The following OR7E24 variants were observed in gnomAD, a reference collection of about 807,000 sequenced individuals.
OR7E24 encodes the protein olfactory receptor 7E24.
For missense variants in OR7E24, 385 were observed against 410.3 expected (o/e 0.94, Z 0.53); for synonymous variants, 130 against 157.5 (o/e 0.83, Z 1.31).
At chr19:9,215,341 CAAAAAAAAAAAAAAA>C in the OR7E24 span, among the ~76,000 whole-genome samples, 1 of 83,132 alleles carries the variant, frequency 1.2e-5, no homozygotes. Context: ...GACTCCGTCT[CAAAAAAAAAAAAAAA>C]AAAAAAAAAC....
the OR7E24 span, chr19:9,215,006 A>G: frequency 1.7e-6 from 1 of 588,520 alleles, no homozygotes; most frequent in Non-Finnish European, 3.0e-6. Context: ...ATCTATTTTT[A>G]TTCTATTTGT....
chr19:9,227,795 C>T, the OR7E24 span, among the ~76,000 whole-genome samples: 780 of 144,038 alleles, frequency 5.4e-3, 9 homozygotes, highest in African/African-American at 0.019. Context: ...GCTCTGTCGC[C>T]CAGGCTGGAG....
the OR7E24 span, among the ~76,000 whole-genome samples, chr19:9,237,242 C>T: frequency 2.6e-4 from 39 of 151,992 alleles, no homozygotes; most frequent in Non-Finnish European, 4.9e-4. Context: ...TCCTTTCTCC[C>T]TTCTTTATCT....
At chr19:9,233,513 T>C in the OR7E24 span, among the ~76,000 whole-genome samples, 2 of 152,222 alleles carry the variant, frequency 1.3e-5, no homozygotes, top group Non-Finnish European at 2.9e-5. Context: ...CCTCCTCTTA[T>C]ATATGTAGTC....
At chr19:9,221,640 C>G in the OR7E24 span, among the ~76,000 whole-genome samples, 1 of 151,942 alleles carries the variant, frequency 6.6e-6, no homozygotes, top group Non-Finnish European at 1.5e-5. Context: ...CGTGAGCCAC[C>G]GCGCCAGGCT....
At chr19:9,235,823 G>C in the OR7E24 span, 2 of 1,611,526 alleles carry the variant, frequency 1.2e-6, no homozygotes, top group Non-Finnish European at 1.7e-6. Context: ...TCCTTAATGA[G>C]AATGTCCTCC....
chr19:9,238,037 G>A, the OR7E24 span, among the ~76,000 whole-genome samples: 1 of 152,178 alleles, frequency 6.6e-6, no homozygotes. Context: ...AGCACTTTGG[G>A]AGGCTGAGGT....
the OR7E24 span, chr19:9,211,529 A>G: frequency 6.6e-6 from 1 of 152,188 alleles, no homozygotes; most frequent in African/African-American, 2.4e-5. Flanking sequence ...TCCTCCTTAG[A>G]AACATAAATC....
the OR7E24 span, among the ~76,000 whole-genome samples, chr19:9,237,073 C>T: frequency 5.3e-5 from 8 of 152,146 alleles, no homozygotes; most frequent in African/African-American, 1.7e-4. Context: ...TAAAAATACT[C>T]AGGAGCTTTT....
chr19:9,233,060 G>A, the OR7E24 span, among the ~76,000 whole-genome samples: 1 of 152,070 alleles, frequency 6.6e-6, no homozygotes, highest in East Asian at 1.9e-4. Flanking sequence ...AGCTCTCTGA[G>A]TCACGTGCAA....
At chr19:9,227,983 G>C in the OR7E24 span, among the ~76,000 whole-genome samples, 1 of 151,796 alleles carries the variant, frequency 6.6e-6, no homozygotes, top group East Asian at 1.9e-4. Context: ...TCGATCTCCT[G>C]ACCTCGTGAT....
At chr19:9,242,780 G>A (rs1187261031), upstream of OR7E24, among the ~76,000 whole-genome samples, 1 of 152,042 alleles carries the variant, frequency 6.6e-6, no homozygotes, top group East Asian at 1.9e-4. Context: ...GAATAACTGA[G>A]ACGTTGCTTC....
At chr19:9,241,188 A>T in the OR7E24 span, among the ~76,000 whole-genome samples, 1 of 152,198 alleles carries the variant, frequency 6.6e-6, no homozygotes, top group Non-Finnish European at 1.5e-5. Flanking sequence ...TTTCCTTTGC[A>T]TCGAGTTTGT....
the OR7E24 span, chr19:9,235,156 A>G: frequency 5.0e-6 from 6 of 1,198,318 alleles, no homozygotes; most frequent in Non-Finnish European, 7.2e-6. Context: ...GGAAGCAGAA[A>G]ACCTTACAGA....
chr19:9,248,229 T>C (rs1018071750), upstream of OR7E24, among the ~76,000 whole-genome samples: 2 of 152,172 alleles, frequency 1.3e-5, no homozygotes, highest in African/African-American at 4.8e-5. Flanking sequence ...CATGACATCA[T>C]GAATTCTTAC....
chr19:9,206,936 A>G, the OR7E24 span: 4 of 152,212 alleles, frequency 2.6e-5, no homozygotes, highest in Admixed American at 6.5e-5. Flanking sequence ...ATTTTGATTT[A>G]CTTGAACCTG....
chr19:9,242,889 A>C (rs2066120005), upstream of OR7E24, among the ~76,000 whole-genome samples: 1 of 143,334 alleles, frequency 7.0e-6, no homozygotes, highest in Non-Finnish European at 1.5e-5. Flanking sequence ...TTCTTCCCTC[A>C]TTCCCTCCTC....
At chr19:9,222,679 T>G in the OR7E24 span, among the ~76,000 whole-genome samples, 1 of 152,332 alleles carries the variant, frequency 6.6e-6, no homozygotes. Flanking sequence ...GAGTCTTTTT[T>G]GTTAGTTCTA....
chr19:9,235,702 G>A, the OR7E24 span: 2 of 1,604,540 alleles, frequency 1.2e-6, no homozygotes, highest in Non-Finnish European at 1.7e-6. Flanking sequence ...GGTCCTCAAG[G>A]TGGCCCGCTC....
Sources: gnomAD v4.1 joint callset for allele counts (sites outside exome capture counted in the v4.1 genomes callset) on GRCh38, gnomAD v4.1.1 for gene constraint, MANE v1.5 for transcripts, NCBI Gene and HGNC (gene_info 2026-07-23, HGNC 2026-07-21) for gene names.